MARCHF10: variants seen among roughly 807,000 people sequenced by gnomAD.
MARCHF10 encodes the protein probable E3 ubiquitin-protein ligase MARCHF10.
MARCHF10 carries 64 observed loss-of-function variants against 76.2 expected under a neutral mutation model. The observed-to-expected ratio is 0.84, with a 90% CI of 0.69 to 1.03. The LOEUF (loss-of-function observed/expected upper bound fraction) is 1.03, where lower values mean the gene tolerates loss of function less well. Among genes scored for constraint, MARCHF10 ranks in the 50% least tolerant of loss-of-function variants. MARCHF10 has a pLI of 0.00. For missense variants in MARCHF10, 875 were observed against 958.0 expected, an observed-to-expected ratio of 0.91 and a Z score of 1.14; for synonymous variants, 340 against 357.5, an observed-to-expected ratio of 0.95 and a Z score of 0.55.
At chr17:62,725,639 C>T (rs2090722453) in intron 6 of MARCHF10, among the ~76,000 whole-genome samples, 1 of 152,152 alleles carries the variant, frequency 6.6e-6, no homozygotes, top group African/African-American at 2.4e-5. Context: ...CCAGCACTGC[C>T]ACCATAAATC....
At chr17:62,744,309 C>T in intron 5 of MARCHF10, 67 bp downstream of exon 5, 1 of 1,519,680 alleles carries the variant, frequency 6.6e-7, no homozygotes, top group Non-Finnish European at 8.9e-7. Context: ...ATAAAGAATT[C>T]ACCGGGTAAC....
At chr17:62,759,793 G>A (rs562960218) in intron 4 of MARCHF10, 42 bp downstream of exon 4, 49 of 1,592,550 alleles carry the variant, frequency 3.1e-5, no homozygotes, top group Middle Eastern at 3.4e-4. Context: ...TTTTAATACC[G>A]GGATTTTAGA....
intron 2 of MARCHF10, among the ~76,000 whole-genome samples, chr17:62,793,490 TCACCACCACCACCTCCATCAC>T (rs1438291405): frequency 2.8e-3 from 183 of 65,574 alleles, no homozygotes; most frequent in Non-Finnish European, 3.1e-3. Context: ...ACCACCTCCA[TCACCACCACCACCTCCATCAC>T]CACCACCACC....
In MARCHF10 at chr17:62,736,557, T is replaced by C. The variant is rs1174560776; in HGVS notation, c.1311A>G (p.Glu437=). ...VEHRPGTHDS[E]GYWKDYLNSS... ...TGTTTAAATAGTCTTTCCAGTATCC[T>C]TCAGAATCATGGGTGCCAGGCCTAT... The change falls in exon 6 of 11, where the codon GAA becomes GAG. Residue 437 remains glutamate, a synonymous_variant. Transcript: ENST00000311269. 1 of 1,614,110 alleles carries C rather than the reference T, an allele frequency of 6.2e-7. No individual in the cohort carries two copies. The highest frequency in any genetic ancestry group is 8.5e-7 in the Non-Finnish European group (1 of 1,180,056).
At chr17:62,730,407 G>C (rs1430748776) in intron 6 of MARCHF10, among the ~76,000 whole-genome samples, 1 of 152,164 alleles carries the variant, frequency 6.6e-6, no homozygotes, top group African/African-American at 2.4e-5. Flanking sequence ...AAAGACCTTA[G>C]AACCTCATCT....
At chr17:62,763,719 A>G (rs1449305992) in intron 3 of MARCHF10, among the ~76,000 whole-genome samples, 2 of 152,256 alleles carry the variant, frequency 1.3e-5, no homozygotes, top group African/African-American at 4.8e-5. Context: ...AAAACAAACC[A>G]AAAACCAAAA....
chr17:62,726,198 T>C (rs1421242126), intron 6 of MARCHF10: 1 of 152,234 alleles, frequency 6.6e-6, no homozygotes, highest in Non-Finnish European at 1.5e-5. Context: ...GAAGAATAGC[T>C]GGTCGATGTT....
chr17:62,702,404 C>T (rs2089295490), intron 10 of MARCHF10, among the ~76,000 whole-genome samples: 1 of 145,468 alleles, frequency 6.9e-6, no homozygotes, highest in Non-Finnish European at 1.5e-5. Flanking sequence ...AATCCCAGCG[C>T]TTTGGAAGGC....
intron 5 of MARCHF10, among the ~76,000 whole-genome samples, chr17:62,741,569 T>C (rs993351201): frequency 2.0e-5 from 3 of 152,210 alleles, no homozygotes; most frequent in Non-Finnish European, 4.4e-5. Flanking sequence ...CTTAGTCAAA[T>C]GGGTAGGCCA....
Position 62,725,001 on chromosome 17 carries a change from C to G in MARCHF10, c.2041G>C (p.Gly681Arg). ...NPLLEPCGCV[G>R]SLQFVHQECL... ...TCTTGATGAACAAACTGCAGGCTTC[C>G]CACACAGCCGCAAGGCTCCAGGAGG... Residue 681 changes from glycine (G) to arginine (R), a missense_variant, in exon 7 of 11, where the codon GGA becomes CGA. Transcript: ENST00000311269. The G allele has an allele frequency of 6.2e-7, 1 of 1,611,442 alleles. No homozygotes were observed.
chr17:62,745,671 T>C (rs1258782675), intron 4 of MARCHF10, among the ~76,000 whole-genome samples: 1 of 152,236 alleles, frequency 6.6e-6, no homozygotes, highest in Non-Finnish European at 1.5e-5. Flanking sequence ...GTTGGGACGA[T>C]ATTCATAGGA....
chr17:62,778,009 T>C (rs909368072), intron 3 of MARCHF10, among the ~76,000 whole-genome samples: 1 of 152,216 alleles, frequency 6.6e-6, no homozygotes, highest in Non-Finnish European at 1.5e-5. Flanking sequence ...GAGCTCCTAT[T>C]ATGTGCTAGG....
Position 62,770,543 on chromosome 17 carries a change from C to CT in MARCHF10, c.211-10538dup, listed in dbSNP as rs35664995. 6.1e-3 allele frequency among the ~76,000 whole-genome samples: 839 copies of CT among 136,506 alleles called. 26 individuals are homozygous for CT. The highest frequency in any genetic ancestry group is 0.026 in the South Asian group (115 of 4,368). The allele number at this position is 136,506 out of a possible 152,430, so 89.6% of individuals were successfully genotyped here. ...CTTGCCAGCATCTATTGTATTTTGA[C>CT]TTTTTTTTTTTTTTTTGAGACAGAG... On this transcript the variant is annotated intron_variant, in intron 3 of 10. Transcript: ENST00000311269.
At chr17:62,806,130 T>C (rs754166521) in intron 1 of MARCHF10, among the ~76,000 whole-genome samples, 3 of 152,132 alleles carry the variant, frequency 2.0e-5, no homozygotes, top group Non-Finnish European at 4.4e-5. Flanking sequence ...AAGAAGATGG[T>C]GGGTTACCTC....
intron 3 of MARCHF10, among the ~76,000 whole-genome samples, chr17:62,772,893 G>A (rs192362971): frequency 2.6e-5 from 4 of 152,170 alleles, no homozygotes; most frequent in South Asian, 4.2e-4. Flanking sequence ...TACACCCATC[G>A]CTTGTTATTT....
chr17:62,756,333 C>A (rs750627554), intron 4 of MARCHF10, among the ~76,000 whole-genome samples: 1 of 152,038 alleles, frequency 6.6e-6, no homozygotes, highest in Non-Finnish European at 1.5e-5. Context: ...GTAGTCACAG[C>A]TACTTGGGAG....
chr17:62,783,346 G>A (rs535191093), intron 3 of MARCHF10, among the ~76,000 whole-genome samples: 20 of 151,908 alleles, frequency 1.3e-4, no homozygotes, highest in South Asian at 2.1e-4. Context: ...AAGACACACC[G>A]TACCAGAATC....
chr17:62,731,971 C>T (rs540569504), intron 6 of MARCHF10, among the ~76,000 whole-genome samples: 2 of 152,186 alleles, frequency 1.3e-5, no homozygotes, highest in East Asian at 3.9e-4. Context: ...ACAGAGAAAA[C>T]ATATAGTCAG....
rs749236187 is a variant in MARCHF10 at position 62,722,534 on chromosome 17, C to G, written c.2168G>C (p.Gly723Ala). The G allele has an allele frequency of 6.2e-7, 1 of 1,613,886 alleles. No homozygotes were observed. The highest frequency in any genetic ancestry group is 1.7e-5 in the Admixed American group (1 of 59,998). Residue 723 changes from glycine (G) to alanine (A), a missense_variant, in exon 8 of 11, where the codon GGT becomes GCT. Gly to Ala is a moderately conservative substitution (Grantham distance 60). Transcript: ENST00000311269. ...MCKQGLLVDL[G>A]DFNMIEFYQK... ...GTAGAACTCAATCATGTTAAAGTCA[C>G]CCAGGTCAACCAGCAGGCCTTGCTT...
Sources: allele counts gnomAD v4.1 joint callset (sites outside exome capture counted in the v4.1 genomes callset), GRCh38; gene constraint gnomAD v4.1.1; transcripts MANE v1.5; gene names NCBI Gene and HGNC (gene_info 2026-07-23, HGNC 2026-07-21).